Variants in DISC1 observed in about 807,000 individuals in gnomAD.
DISC1 encodes disrupted in schizophrenia 1 protein.
Under a neutral mutation model 84.5 loss-of-function variants are expected in DISC1, and 57 were observed. The observed-to-expected ratio is 0.67, with a 90% confidence interval of 0.55 to 0.84. The LOEUF (loss-of-function observed/expected upper bound fraction) is 0.84. DISC1 is among the 40% of genes least tolerant of loss of function. DISC1 has a pLI of 0.00. For missense variants in DISC1, 1,000 were observed against 1,057.8 expected, an observed-to-expected ratio of 0.95 and a Z score of 0.76; for synonymous variants, 411 against 415.2, an observed-to-expected ratio of 0.99 and a Z score of 0.12.
chr1:231,851,175 G>A (rs1050302843), intron 9 of DISC1, among the ~76,000 whole-genome samples: 11 of 152,176 alleles, frequency 7.2e-5, no homozygotes, highest in Non-Finnish European at 8.8e-5. Context: ...ACACATCTGT[G>A]GCATGTGGAT....
intron 9 of DISC1, among the ~76,000 whole-genome samples, chr1:231,924,931 C>T (rs1425299960): frequency 6.6e-6 from 1 of 150,864 alleles, no homozygotes; most frequent in Non-Finnish European, 1.5e-5. Context: ...GCTGGGATTA[C>T]AGGCGTGAGT....
intron 1 of DISC1, among the ~76,000 whole-genome samples, chr1:231,646,657 C>T (rs2125240562): frequency 6.6e-6 from 1 of 152,324 alleles, no homozygotes; most frequent in African/African-American, 2.4e-5. Context: ...AATGGTTGAA[C>T]TAGTTTACAC....
At chr1:231,810,301 G>A (rs1358578287) in intron 8 of DISC1, among the ~76,000 whole-genome samples, 2 of 152,192 alleles carry the variant, frequency 1.3e-5, no homozygotes, top group African/African-American at 4.8e-5. Flanking sequence ...GTCCAGGAGA[G>A]GCCACCTGAC....
intron 8 of DISC1, among the ~76,000 whole-genome samples, chr1:231,810,342 G>A (rs373834029): frequency 4.6e-5 from 7 of 152,338 alleles, no homozygotes; most frequent in African/African-American, 1.4e-4. Flanking sequence ...TCAGGGTACA[G>A]ACAGTGGCTG....
intron 1 of DISC1, among the ~76,000 whole-genome samples, chr1:231,660,292 A>G (rs2061468300): frequency 6.6e-6 from 1 of 151,816 alleles, no homozygotes. Context: ...TAGGATTGCA[A>G]CCCCTACTTT....
chr1:231,711,109 A>G (rs575551011), intron 3 of DISC1, among the ~76,000 whole-genome samples: 15 of 151,658 alleles, frequency 9.9e-5, no homozygotes, highest in African/African-American at 2.2e-4. Context: ...ATTTTGTTTT[A>G]TTGCAGAGCC....
intron 9 of DISC1, among the ~76,000 whole-genome samples, chr1:231,928,088 C>G (rs2090449868): frequency 6.6e-6 from 1 of 152,176 alleles, no homozygotes; most frequent in South Asian, 2.1e-4. Context: ...TATAGTCTCC[C>G]TAACATCCCA....
intron 3 of DISC1, among the ~76,000 whole-genome samples, chr1:231,710,477 G>T (rs1048412210): frequency 5.9e-5 from 9 of 152,218 alleles, no homozygotes; most frequent in Middle Eastern, 3.2e-3. Flanking sequence ...TATGCATTTG[G>T]TGCAAATGGT....
At chr1:231,841,463 C>G (rs1037409034) in intron 9 of DISC1, among the ~76,000 whole-genome samples, 2 of 152,228 alleles carry the variant, frequency 1.3e-5, no homozygotes, top group African/African-American at 4.8e-5. Flanking sequence ...GGCTCTTGTA[C>G]AGGCTGTACC....
chr1:231,871,664 C>T (rs1042390218), intron 9 of DISC1, among the ~76,000 whole-genome samples: 2 of 152,198 alleles, frequency 1.3e-5, no homozygotes, highest in African/African-American at 4.8e-5. Flanking sequence ...TCAGGCCACC[C>T]TAAATCGCGG....
chr1:231,874,772 G>C (rs1443069735), intron 9 of DISC1, among the ~76,000 whole-genome samples: 1 of 151,786 alleles, frequency 6.6e-6, no homozygotes, highest in Non-Finnish European at 1.5e-5. Context: ...TTAGCCAGGC[G>C]TGGTGGCGGG....
intron 9 of DISC1, among the ~76,000 whole-genome samples, chr1:231,868,664 G>A (rs1051261386): frequency 4.2e-5 from 6 of 144,510 alleles, no homozygotes; most frequent in African/African-American, 5.0e-5. Flanking sequence ...TCAAGACCAG[G>A]CTGGGCAACA....
chr1:232,033,350 G>A (rs1670231475), intron 12 of DISC1, among the ~76,000 whole-genome samples: 1 of 152,154 alleles, frequency 6.6e-6, no homozygotes, highest in Admixed American at 6.5e-5. Context: ...CACTGCCACT[G>A]CCCTGTTCAA....
At chr1:231,672,441 CTA>C (rs1322504838) in intron 1 of DISC1, among the ~76,000 whole-genome samples, 2 of 152,172 alleles carry the variant, frequency 1.3e-5, no homozygotes, top group Non-Finnish European at 1.5e-5. Context: ...AGAATTTGAG[CTA>C]TGTCATTCTG....
intron 4 of DISC1, among the ~76,000 whole-genome samples, chr1:231,760,995 T>A (rs546006855): frequency 5.3e-5 from 8 of 152,360 alleles, no homozygotes; most frequent in Non-Finnish European, 7.3e-5. Flanking sequence ...TGGTAAAAAT[T>A]GTCAATGGAA....
At chr1:231,935,435 G>A (rs1161334826) in intron 9 of DISC1, among the ~76,000 whole-genome samples, 1 of 152,164 alleles carries the variant, frequency 6.6e-6, no homozygotes, top group Non-Finnish European at 1.5e-5. Context: ...ACTGAAAGTT[G>A]GGAATGTCTT....
chr1:232,012,689 C>T (rs16856154), intron 11 of DISC1, among the ~76,000 whole-genome samples: 7,909 of 152,264 alleles, frequency 0.052, 451 homozygotes, highest in African/African-American at 0.14. Flanking sequence ...CAAAGCCTTT[C>T]CCGTGCTTAT....
intron 3 of DISC1, among the ~76,000 whole-genome samples, chr1:231,715,631 A>G (rs1342269631): frequency 6.6e-6 from 1 of 152,148 alleles, no homozygotes; most frequent in African/African-American, 2.4e-5. Flanking sequence ...ACATTTTCTC[A>G]CTGAATTGAC....
chr1:231,790,958 A>G (rs2078302959), intron 6 of DISC1, among the ~76,000 whole-genome samples: 1 of 152,140 alleles, frequency 6.6e-6, no homozygotes, highest in African/African-American at 2.4e-5. Context: ...TCGGACTCCA[A>G]CCTGTGAATT....
Sources: gnomAD v4.1 joint callset for allele counts (sites outside exome capture counted in the v4.1 genomes callset) on GRCh38, gnomAD v4.1.1 for gene constraint, MANE v1.5 for transcripts, NCBI Gene and HGNC (gene_info 2026-07-23, HGNC 2026-07-21) for gene names.